SHISA9: variants seen among roughly 807,000 people sequenced by gnomAD.
SHISA9 encodes shisa family member 9, also known as protein shisa-9.
A neutral mutation model predicts 38.0 loss-of-function variants in SHISA9; 13 were observed. The ratio of observed to expected loss-of-function variants is 0.34; its 90% CI spans 0.22 to 0.54. The LOEUF is 0.54. Among genes scored for constraint, SHISA9 ranks in the 20% least tolerant of loss-of-function variants. The pLI is 0.91. For missense variants in SHISA9, 538 were observed against 575.8 expected (o/e 0.93, Z 0.67); for synonymous variants, 275 against 242.0 (o/e 1.14, Z -1.27).
intron 1 of SHISA9, among the ~76,000 whole-genome samples, chr16:12,913,192 C>CT (rs1342584440): frequency 2.6e-5 from 4 of 151,868 alleles, no homozygotes; most frequent in South Asian, 2.1e-4. Context: ...GTCATTACTT[C>CT]TTTTTTTTGG....
chr16:12,932,083 A>G (rs1386479364), intron 2 of SHISA9, among the ~76,000 whole-genome samples: 1 of 152,138 alleles, frequency 6.6e-6, no homozygotes, highest in East Asian at 1.9e-4. Flanking sequence ...CCACCATGTA[A>G]GATGTACCTT....
chr16:12,970,022 G>C (rs960768266), intron 2 of SHISA9, among the ~76,000 whole-genome samples: 8 of 151,838 alleles, frequency 5.3e-5, no homozygotes, highest in African/African-American at 1.9e-4. Context: ...GCACACAGGG[G>C]CTTCATGGAT....
At chr16:13,509,823 C>A in the SHISA9 span, among the ~76,000 whole-genome samples, 1 of 152,094 alleles carries the variant, frequency 6.6e-6, no homozygotes, top group African/African-American at 2.4e-5. Flanking sequence ...TTATGTGATA[C>A]TGTTGTGAGC....
At chr16:13,144,198 G>T (rs2050427417) in intron 2 of SHISA9, among the ~76,000 whole-genome samples, 2 of 150,748 alleles carry the variant, frequency 1.3e-5, no homozygotes, top group Admixed American at 1.3e-4. Flanking sequence ...CTGTCATCAG[G>T]CTGGAGTGCA....
At chr16:13,314,913 C>G in the SHISA9 span, among the ~76,000 whole-genome samples, 8 of 152,134 alleles carry the variant, frequency 5.3e-5, no homozygotes, top group African/African-American at 1.7e-4. Flanking sequence ...CAATATAGAA[C>G]CTGTAGTTGA....
chr16:13,392,849 G>C, the SHISA9 span, among the ~76,000 whole-genome samples: 2 of 152,352 alleles, frequency 1.3e-5, no homozygotes, highest in Non-Finnish European at 2.9e-5. Context: ...CAAAGCACGA[G>C]AAGCTAAGGC....
the SHISA9 span, among the ~76,000 whole-genome samples, chr16:13,469,290 GAGAA>G: frequency 5.8e-3 from 720 of 124,044 alleles, 3 homozygotes; most frequent in Middle Eastern, 0.048. Context: ...GAGAGAGAGA[GAGAA>G]AGAAAGACAG....
chr16:13,016,094 T>A (rs2072754323), intron 2 of SHISA9, among the ~76,000 whole-genome samples: 1 of 149,640 alleles, frequency 6.7e-6, no homozygotes. Flanking sequence ...CTCAAGCAGT[T>A]CTCCTGCCTT....
chr16:12,946,632 T>C (rs1400565957), intron 2 of SHISA9, among the ~76,000 whole-genome samples: 2 of 152,210 alleles, frequency 1.3e-5, no homozygotes, highest in Non-Finnish European at 2.9e-5. Context: ...GGCTGGTGTT[T>C]TGAACTTTTG....
chr16:13,039,374 T>C (rs1438174428), intron 2 of SHISA9, among the ~76,000 whole-genome samples: 1 of 152,136 alleles, frequency 6.6e-6, no homozygotes, highest in Non-Finnish European at 1.5e-5. Flanking sequence ...AAGTGACTTG[T>C]ACAAGGTAAT....
At chr16:13,488,683 G>C in the SHISA9 span, among the ~76,000 whole-genome samples, 174 of 152,276 alleles carry the variant, frequency 1.1e-3, no homozygotes, top group African/African-American at 4.0e-3. Context: ...ATCTAAGTTT[G>C]TGTATGTAAA....
intron 2 of SHISA9, among the ~76,000 whole-genome samples, chr16:13,022,228 T>C (rs573258052): frequency 6.6e-6 from 1 of 152,296 alleles, no homozygotes; most frequent in East Asian, 1.9e-4. Flanking sequence ...CACAGCTCAC[T>C]GCAGCTTTGA....
chr16:13,334,499 G>C, the SHISA9 span, among the ~76,000 whole-genome samples: 1 of 152,198 alleles, frequency 6.6e-6, no homozygotes, highest in African/African-American at 2.4e-5. Flanking sequence ...CTAAGGCCGG[G>C]TGTGTTGGCT....
the SHISA9 span, among the ~76,000 whole-genome samples, chr16:13,309,331 A>G: frequency 1.2e-4 from 18 of 152,098 alleles, no homozygotes; most frequent in Admixed American, 1.2e-3. Flanking sequence ...CATCCTGCAC[A>G]TGTACCCTGG....
chr16:13,317,350 C>T, the SHISA9 span, among the ~76,000 whole-genome samples: 3 of 152,186 alleles, frequency 2.0e-5, no homozygotes, highest in African/African-American at 4.8e-5. Context: ...CAGACAACCC[C>T]GTTGAGGATT....
intron 2 of SHISA9, among the ~76,000 whole-genome samples, chr16:12,938,097 C>G (rs570836590): frequency 1.3e-5 from 2 of 152,318 alleles, no homozygotes; most frequent in South Asian, 4.1e-4. Context: ...GATTGTGATT[C>G]TTATGAGGCC....
At chr16:13,060,068 C>T (rs1179729913) in intron 2 of SHISA9, among the ~76,000 whole-genome samples, 1 of 152,148 alleles carries the variant, frequency 6.6e-6, no homozygotes, top group African/African-American at 2.4e-5. Context: ...AACCAGTATT[C>T]AGAGAGATCA....
the SHISA9 span, among the ~76,000 whole-genome samples, chr16:13,305,930 G>C: frequency 1.3e-5 from 2 of 152,178 alleles, no homozygotes; most frequent in East Asian, 3.9e-4. Context: ...CCTTTCTAGA[G>C]ACAGGGGAGA....
chr16:13,443,194 A>C, the SHISA9 span, among the ~76,000 whole-genome samples: 5 of 152,248 alleles, frequency 3.3e-5, no homozygotes, highest in Non-Finnish European at 7.3e-5. Flanking sequence ...AATATAATGA[A>C]CATCATCTGT....
Sources: gnomAD v4.1 joint callset for allele counts (sites outside exome capture counted in the v4.1 genomes callset) on GRCh38, gnomAD v4.1.1 for gene constraint, MANE v1.5 for transcripts, NCBI Gene and HGNC (gene_info 2026-07-23, HGNC 2026-07-21) for gene names.